The following MYO5B variants were observed in gnomAD, a reference collection of about 807,000 sequenced individuals.
The protein encoded by MYO5B is unconventional myosin-Vb.
A neutral mutation model predicts 229.3 loss-of-function variants in MYO5B; 143 were observed. The observed-to-expected ratio is 0.62, with a 90% CI of 0.54 to 0.72. The LOEUF (loss-of-function observed/expected upper bound fraction) is 0.72, where lower values mean the gene tolerates loss of function less well. Among genes scored for constraint, MYO5B ranks in the 30% least tolerant of loss-of-function variants. MYO5B has a pLI of 0.00. For missense variants in MYO5B, 2,321 were observed against 2,331.0 expected (o/e 1.00, Z 0.09); for synonymous variants, 918 against 885.2 (o/e 1.04, Z -0.66).
chr18:49,868,736 C>T (rs1429045298), intron 27 of MYO5B, among the ~76,000 whole-genome samples: 1 of 152,194 alleles, frequency 6.6e-6, no homozygotes, highest in Non-Finnish European at 1.5e-5. Context: ...GGCTAACAGT[C>T]ACTGCAGGGA....
At chr18:49,961,286 A>G (rs1296909589) in intron 12 of MYO5B, among the ~76,000 whole-genome samples, 5 of 152,156 alleles carry the variant, frequency 3.3e-5, no homozygotes, top group African/African-American at 1.2e-4. Flanking sequence ...CTGCTTGGAT[A>G]CCGATTCTCG....
chr18:50,087,264 T>TAA (rs1415366785), intron 1 of MYO5B, among the ~76,000 whole-genome samples: 4 of 152,178 alleles, frequency 2.6e-5, no homozygotes, highest in African/African-American at 9.7e-5. Flanking sequence ...TAAAACATCT[T>TAA]AGAGACTGTT....
intron 1 of MYO5B, among the ~76,000 whole-genome samples, chr18:50,133,354 G>C (rs1452208867): frequency 1.3e-5 from 2 of 152,226 alleles, no homozygotes; most frequent in African/African-American, 4.8e-5. Context: ...AGGAGTTCAT[G>C]AGAGTGCTTG....
At chr18:49,981,083 T>C (rs796080798) in intron 8 of MYO5B, among the ~76,000 whole-genome samples, 3 of 152,376 alleles carry the variant, frequency 2.0e-5, no homozygotes, top group African/African-American at 7.2e-5. Context: ...ATGGAGCAGC[T>C]GTTCGCCACA....
intron 1 of MYO5B, among the ~76,000 whole-genome samples, chr18:50,074,547 G>C (rs888880176): frequency 6.6e-6 from 1 of 152,112 alleles, no homozygotes; most frequent in African/African-American, 2.4e-5. Flanking sequence ...ATTCTAGCTC[G>C]ATAGGTCTTT....
intron 1 of MYO5B, among the ~76,000 whole-genome samples, chr18:50,129,547 C>CAGGT: frequency 6.6e-6 from 1 of 152,334 alleles, no homozygotes; most frequent in South Asian, 2.1e-4. Context: ...TACTTACAGA[C>CAGGT]ACCTCACCAT....
Position 49,875,819 on chromosome 18 carries a change from G to T in MYO5B, c.3405C>A (p.Gly1135=). ...TCATGTCCATGGCTGCCTTCTCCAG[G>T]CCAATTTCCTTCAAAGGAAGACAGG... The part of the protein sequence containing the change: ...EDALQQVEEI[G]LEKAAMDMTV... The change falls in exon 26 of 40, where the codon GGC becomes GGA. Residue 1135 remains glycine (G), a synonymous_variant. Coordinates refer to ENST00000285039, the MANE Select transcript of MYO5B (RefSeq NM_001080467.3). The T allele has an allele frequency of 1.2e-6, 2 of 1,614,030 alleles. No individual in the cohort carries two copies. The highest frequency in any genetic ancestry group is 1.7e-6 in the Non-Finnish European group (2 of 1,179,998).
Position 49,868,742 on chromosome 18 carries a change from A to T in MYO5B, c.3603+3425T>A, listed in dbSNP as rs149688501. 1.2e-3 allele frequency among the ~76,000 whole-genome samples: 181 copies of T among 152,296 alleles called. 2 individuals carry two copies. The highest frequency in any genetic ancestry group is 4.2e-3 in the African/African-American group (173 of 41,552). ...ACTGGCCGGGGCTAACAGTCACTGC[A>T]GGGAGACCCATCTTCCATCCACCCT... On this transcript the variant is annotated intron_variant, in intron 27 of 39. Transcript: ENST00000285039.
chr18:50,008,296 C>T (rs1425226266), intron 4 of MYO5B, among the ~76,000 whole-genome samples: 1 of 152,160 alleles, frequency 6.6e-6, no homozygotes, highest in African/African-American at 2.4e-5. Flanking sequence ...GTGTTCCTCC[C>T]ACCCTAGTCT....
chr18:49,877,904 A>G, intron 24 of MYO5B, 22 bp from the exon 25 acceptor site: 1 of 1,614,006 alleles, frequency 6.2e-7, no homozygotes, highest in Non-Finnish European at 8.5e-7. Context: ...GAAAAACGTG[A>G]TAGCTCATTA....
intron 4 of MYO5B, among the ~76,000 whole-genome samples, chr18:50,014,698 G>A (rs1358860463): frequency 1.3e-5 from 2 of 152,162 alleles, no homozygotes; most frequent in Non-Finnish European, 2.9e-5. Context: ...TATTTTACAT[G>A]GAGTGTTTTC....
chr18:50,069,329 C>G (rs544181198), intron 1 of MYO5B, among the ~76,000 whole-genome samples: 1 of 152,132 alleles, frequency 6.6e-6, no homozygotes, highest in African/African-American at 2.4e-5. Context: ...TCACTGCTGA[C>G]GTAAGGATGA....
At chr18:49,913,144 C>T (rs1452043425) in intron 17 of MYO5B, among the ~76,000 whole-genome samples, 2 of 152,156 alleles carry the variant, frequency 1.3e-5, no homozygotes, top group Non-Finnish European at 2.9e-5. Flanking sequence ...ATTTACAACA[C>T]CCCTACCTAT....
At chr18:50,135,069 A>T (rs144721401) in intron 1 of MYO5B, among the ~76,000 whole-genome samples, 1 of 152,158 alleles carries the variant, frequency 6.6e-6, no homozygotes, top group Admixed American at 6.5e-5. Flanking sequence ...TTAAATACAC[A>T]TATCAACCGG....
At chr18:50,002,618 G>T (rs997248912) in intron 4 of MYO5B, among the ~76,000 whole-genome samples, 1 of 152,164 alleles carries the variant, frequency 6.6e-6, no homozygotes. Context: ...GCAGTTTCGG[G>T]AAACGGTTTG....
At chr18:50,188,938 C>T (rs1032809099) in intron 1 of MYO5B, among the ~76,000 whole-genome samples, 9 of 152,096 alleles carry the variant, frequency 5.9e-5, no homozygotes, top group Admixed American at 1.3e-4. Flanking sequence ...TTCTGATGAT[C>T]GCCAACATGG....
chr18:50,009,514 TTAGA>T (rs1329168567), intron 4 of MYO5B, among the ~76,000 whole-genome samples: 1 of 151,752 alleles, frequency 6.6e-6, no homozygotes, highest in African/African-American at 2.4e-5. Context: ...GTGAGGGAAG[TTAGA>T]TAGGAGGAAG....
At chr18:50,134,419 G>A (rs1488911412) in intron 1 of MYO5B, among the ~76,000 whole-genome samples, 1 of 151,974 alleles carries the variant, frequency 6.6e-6, no homozygotes, top group African/African-American at 2.4e-5. Context: ...GCCAGGTGTG[G>A]TGGCAGGTAC....
chr18:49,826,648 A>C (rs769077795), intron 39 of MYO5B, 25 bp from the exon 40 acceptor site: 4 of 1,611,858 alleles, frequency 2.5e-6, no homozygotes, highest in Admixed American at 3.3e-5. Context: ...AAGACCATGT[A>C]AAGTTTGAGT....
Sources: allele counts gnomAD v4.1 joint callset (sites outside exome capture counted in the v4.1 genomes callset), GRCh38; gene constraint gnomAD v4.1.1; transcripts MANE v1.5; gene names NCBI Gene and HGNC (gene_info 2026-07-23, HGNC 2026-07-21).